ASCC1: variants seen among roughly 807,000 people sequenced by gnomAD.
ASCC1 encodes activating signal cointegrator 1 complex subunit 1.
In ASCC1, 35 loss-of-function variants were observed where a neutral mutation model predicts 46.6. That is an observed-to-expected ratio of 0.75 (90% CI 0.57 to 0.99). The LOEUF (loss-of-function observed/expected upper bound fraction) is 0.99. Ranked by LOEUF, ASCC1 falls within the 50% of genes least tolerant of loss-of-function variation. The pLI is 0.00. For missense variants in ASCC1, 376 were observed against 428.7 expected, an observed-to-expected ratio of 0.88 and a Z score of 1.09; for synonymous variants, 143 against 146.6, an observed-to-expected ratio of 0.98 and a Z score of 0.18.
intron 7 of ASCC1, among the ~76,000 whole-genome samples, chr10:72,136,239 A>C (rs1846175800): frequency 6.6e-6 from 1 of 152,124 alleles, no homozygotes; most frequent in Non-Finnish European, 1.5e-5. Flanking sequence ...TTTTCTGCCT[A>C]GCTAGAGGAT....
At chr10:72,097,663 T>C (rs1428375342) in intron 9 of ASCC1, among the ~76,000 whole-genome samples, 1 of 152,174 alleles carries the variant, frequency 6.6e-6, no homozygotes, top group Non-Finnish European at 1.5e-5. Context: ...TCTGATTAAT[T>C]CTAAAGTCTC....
rs1281832757 is a variant in ASCC1 at position 72,096,074 on chromosome 10, A to G, written c.*1260T>C. The G allele has an allele frequency of 2.2e-6, 1 of 452,724 alleles. No homozygotes were observed. Among genetic ancestry groups the G allele is most frequent in the South Asian group, 1.6e-5 (1 of 64,406 alleles). The allele number at this position is 452,724 out of a possible 1,614,324, so 28.0% of individuals were successfully genotyped here. A position where few individuals can be genotyped will look rare whatever the true frequency, so the allele number is the denominator to read the frequency against. ...TTCACAAGTGATTTGTGCAGTCCCAATAATAAATCTCACTGTTAGACACAG... is the reference window on the plus strand; with the variant it reads ...TTCACAAGTGATTTGTGCAGTCCCAGTAATAAATCTCACTGTTAGACACAG... On this transcript the variant is annotated 3_prime_UTR_variant, in exon 10 of 10. Transcript: ENST00000672957.
intron 9 of ASCC1, among the ~76,000 whole-genome samples, chr10:72,123,269 G>A (rs1162394106): frequency 6.6e-6 from 1 of 151,530 alleles, no homozygotes; most frequent in East Asian, 1.9e-4. Flanking sequence ...AACCCGGGAG[G>A]TGGAGCTTGC....
intron 1 of ASCC1, among the ~76,000 whole-genome samples, chr10:72,214,645 G>A (rs1264270656): frequency 6.6e-6 from 1 of 151,904 alleles, no homozygotes; most frequent in East Asian, 1.9e-4. Context: ...CCAAAGTGCT[G>A]GGATTACAGG....
At chr10:72,144,134 G>A (rs1225830671) in intron 7 of ASCC1, among the ~76,000 whole-genome samples, 7 of 151,822 alleles carry the variant, frequency 4.6e-5, no homozygotes, top group South Asian at 2.1e-4. Flanking sequence ...CTGCCACCAC[G>A]CCCAGCTAAT....
At chr10:72,163,592 G>A (rs1043426128) in intron 5 of ASCC1, among the ~76,000 whole-genome samples, 5 of 152,022 alleles carry the variant, frequency 3.3e-5, no homozygotes, top group East Asian at 3.9e-4. Context: ...AAAATTAGCC[G>A]GGTGTGGTGG....
intron 5 of ASCC1, among the ~76,000 whole-genome samples, chr10:72,176,996 C>T (rs1030911365): frequency 1.3e-5 from 2 of 151,860 alleles, no homozygotes; most frequent in Admixed American, 6.6e-5. Flanking sequence ...TCTCACAACA[C>T]GGTACCTATT....
intron 5 of ASCC1, among the ~76,000 whole-genome samples, chr10:72,179,340 T>C (rs758646012): frequency 4.6e-5 from 7 of 152,178 alleles, no homozygotes; most frequent in Non-Finnish European, 1.0e-4. Flanking sequence ...GTCCAAATTA[T>C]TACCGAATTC....
intron 2 of ASCC1, among the ~76,000 whole-genome samples, chr10:72,212,962 C>T (rs962089241): frequency 1.3e-5 from 2 of 152,014 alleles, no homozygotes; most frequent in African/African-American, 4.8e-5. Flanking sequence ...GATATTTAAA[C>T]CTCTGTACAA....
chr10:72,211,741 T>C (rs533013624), intron 2 of ASCC1, among the ~76,000 whole-genome samples: 1 of 151,348 alleles, frequency 6.6e-6, no homozygotes, highest in Admixed American at 6.6e-5. Context: ...GAGAATGGCG[T>C]GAATCCGGGA....
At chr10:72,167,082 A>G (rs113139783) in intron 5 of ASCC1, among the ~76,000 whole-genome samples, 19 of 152,298 alleles carry the variant, frequency 1.2e-4, no homozygotes, top group African/African-American at 4.3e-4. Flanking sequence ...AAAAAAATAC[A>G]ATGCAGCCAT....
At chr10:72,118,596 A>ATGGTTTC (rs1166864782) in intron 9 of ASCC1, among the ~76,000 whole-genome samples, 1 of 151,830 alleles carries the variant, frequency 6.6e-6, no homozygotes, top group Non-Finnish European at 1.5e-5. Flanking sequence ...CCTGACCAAC[A>ATGGTTTC]TGGTGAAACC....
At chr10:72,176,588 T>G (rs1368911649) in intron 5 of ASCC1, among the ~76,000 whole-genome samples, 1 of 151,978 alleles carries the variant, frequency 6.6e-6, no homozygotes, top group Non-Finnish European at 1.5e-5. Flanking sequence ...CAAGGGATCC[T>G]CCCACCTCAG....
chr10:72,169,165 C>T (rs370205091), intron 5 of ASCC1, among the ~76,000 whole-genome samples: 8 of 152,284 alleles, frequency 5.3e-5, no homozygotes, highest in African/African-American at 1.9e-4. Flanking sequence ...ATGCAAAGTG[C>T]AGGACAGGGC....
intron 3 of ASCC1, among the ~76,000 whole-genome samples, chr10:72,204,114 A>G (rs1856874264): frequency 6.6e-6 from 1 of 152,172 alleles, no homozygotes; most frequent in Admixed American, 6.6e-5. Context: ...TGGGTGTGAC[A>G]GCAGGGTGCC....
intron 2 of ASCC1, among the ~76,000 whole-genome samples, chr10:72,211,577 A>T (rs954863506): frequency 4.0e-5 from 6 of 149,914 alleles, no homozygotes; most frequent in African/African-American, 1.5e-4. Context: ...CTTGTCTCTT[A>T]AAAAAAAAAT....
chr10:72,181,233 G>A (rs974595723), intron 5 of ASCC1, among the ~76,000 whole-genome samples: 2 of 152,044 alleles, frequency 1.3e-5, no homozygotes, highest in Admixed American at 6.6e-5. Flanking sequence ...CAAAGTGCTG[G>A]GATTACAGGT....
chr10:72,149,833 T>C (rs1848115043), intron 7 of ASCC1, among the ~76,000 whole-genome samples: 1 of 152,192 alleles, frequency 6.6e-6, no homozygotes, highest in African/African-American at 2.4e-5. Flanking sequence ...AATGTGCTCC[T>C]GGTTTTTAAG....
intron 9 of ASCC1, among the ~76,000 whole-genome samples, chr10:72,101,231 A>G (rs1841720089): frequency 6.6e-6 from 1 of 152,180 alleles, no homozygotes; most frequent in Non-Finnish European, 1.5e-5. Flanking sequence ...CATCTTATGA[A>G]AAGTCACTGA....
Sources: allele counts gnomAD v4.1 joint callset (sites outside exome capture counted in the v4.1 genomes callset), GRCh38; gene constraint gnomAD v4.1.1; transcripts MANE v1.5; gene names NCBI Gene and HGNC (gene_info 2026-07-23, HGNC 2026-07-21).